The following SLC22A2 variants were observed in gnomAD, a reference collection of about 807,000 sequenced individuals.
The protein encoded by SLC22A2 is solute carrier family 22 member 2, also known as organic cation transporter 2.
SLC22A2 carries 46 observed loss-of-function variants against 60.5 expected under a neutral mutation model. The observed-to-expected ratio is 0.76, with a 90% CI of 0.60 to 0.97. The LOEUF (loss-of-function observed/expected upper bound fraction) is 0.97. Among genes scored for constraint, SLC22A2 ranks in the 50% least tolerant of loss-of-function variants. SLC22A2 has a pLI of 0.00. For missense variants in SLC22A2, 701 were observed against 706.6 expected, an observed-to-expected ratio of 0.99 and a Z score of 0.09; for synonymous variants, 303 against 267.0, an observed-to-expected ratio of 1.13 and a Z score of -1.31.
chr6:160,235,797 GT>G (rs1782901248), intron 9 of SLC22A2, among the ~76,000 whole-genome samples: 1 of 151,898 alleles, frequency 6.6e-6, no homozygotes, highest in African/African-American at 2.4e-5. Flanking sequence ...GTCTATGAAG[GT>G]TTAACATTAA....
chr6:160,223,166 T>A (rs543377129), intron 10 of SLC22A2, among the ~76,000 whole-genome samples: 93 of 152,316 alleles, frequency 6.1e-4, no homozygotes, highest in African/African-American at 2.2e-3. Context: ...TAAATAAAAA[T>A]ATCTAAACAT....
At chr6:160,227,686 C>T (rs1782745816) in intron 9 of SLC22A2, among the ~76,000 whole-genome samples, 1 of 152,170 alleles carries the variant, frequency 6.6e-6, no homozygotes, top group Non-Finnish European at 1.5e-5. Context: ...TGAAACACAA[C>T]AACTTTCTCT....
At chr6:160,249,169 G>C in intron 4 of SLC22A2, 47 bp downstream of exon 4, 1 of 1,361,850 alleles carries the variant, frequency 7.3e-7, no homozygotes, top group Non-Finnish European at 1.0e-6. Context: ...CTTCTTAGCA[G>C]AATAAAATAC....
chr6:160,257,666 G>A (rs1192984808), intron 1 of SLC22A2: 2 of 152,038 alleles, frequency 1.3e-5, no homozygotes, highest in African/African-American at 4.8e-5. Flanking sequence ...ATTAAACTAG[G>A]CAACTGGCTC....
chr6:160,250,547 C>T lies in SLC22A2; in HGVS notation c.673+1G>A. On this transcript the variant is annotated splice_donor_variant, in intron 3 of 10. Transcript: ENST00000366953. LOFTEE classifies it high-confidence loss of function. Reference sequence around the variant, plus strand: ...ACAGTTGCAAGCACAAACATTCTTACTCAGGATGTAGCCTATTAACCAGCC... The same window carrying T: ...ACAGTTGCAAGCACAAACATTCTTATTCAGGATGTAGCCTATTAACCAGCC... 1 of 1,613,960 alleles carries T rather than the reference C, an allele frequency of 6.2e-7. No individual in the cohort carries two copies.
intron 7 of SLC22A2, among the ~76,000 whole-genome samples, chr6:160,243,341 G>A (rs1783041384): frequency 6.6e-6 from 1 of 151,834 alleles, no homozygotes; most frequent in Non-Finnish European, 1.5e-5. Flanking sequence ...CTGTAGCATG[G>A]GGCTGTAAAG....
intron 8 of SLC22A2, 83 bp from the exon 9 acceptor site, chr6:160,241,669 C>A (rs1390722796): frequency 2.4e-6 from 2 of 846,434 alleles, no homozygotes; most frequent in African/African-American, 1.7e-5. Flanking sequence ...TAAACACTTC[C>A]TCAAATAATT....
chr6:160,254,846 C>T (rs545396179), intron 2 of SLC22A2, among the ~76,000 whole-genome samples: 1 of 152,204 alleles, frequency 6.6e-6, no homozygotes, highest in Non-Finnish European at 1.5e-5. Flanking sequence ...CACAGGAATG[C>T]ACTGTCAGTA....
chr6:160,228,256 C>G (rs1240647871), intron 9 of SLC22A2, among the ~76,000 whole-genome samples: 1 of 152,208 alleles, frequency 6.6e-6, no homozygotes, highest in East Asian at 1.9e-4. Flanking sequence ...GAGACCTCCC[C>G]TCCGCCAGCG....
intron 2 of SLC22A2, among the ~76,000 whole-genome samples, chr6:160,251,470 A>G (rs773447900): frequency 6.6e-5 from 10 of 152,108 alleles, no homozygotes; most frequent in Non-Finnish European, 1.2e-4. Flanking sequence ...GGATTAAGTG[A>G]GATATTAGAG....
Position 160,258,657 on chromosome 6 carries a change from G to A in SLC22A2, c.101C>T (p.Ala34Val). The change falls in exon 1 of 11, where the codon GCG becomes GTG. Residue 34 changes from alanine (A) to valine (V), a missense_variant. Physicochemically the swap from Ala to Val is moderately conservative, Grantham distance 64. Coordinates refer to ENST00000366953, the MANE Select transcript of SLC22A2 (RefSeq NM_003058.4). The stretch of plus-strand genomic sequence containing the variant: ...GAAGACGATGCCCACGTAGATGGGC[G>A]CGAAGGTAGCCGAGAGCAGAGCCAA... ...FLLALLSATF[A>V]PIYVGIVFLG... 4 of 1,613,656 alleles carry A rather than the reference G, an allele frequency of 2.5e-6. No individual in the cohort carries two copies. Among genetic ancestry groups the A allele is most frequent in the African/African-American group, 1.3e-5 (1 of 75,052 alleles).
intron 10 of SLC22A2, among the ~76,000 whole-genome samples, chr6:160,219,113 A>AGAGCAGCCGCAGCAACAGCAACAGTAG (rs1562428709): frequency 4.9e-3 from 1 of 206 alleles, no homozygotes; most frequent in African/African-American, 0.014. Context: ...AGAAGCAATA[A>AGAGCAGCCGCAGCAACAGCAACAGTAG]CAGCAGCAGC....
At chr6:160,245,588 T>C in intron 5 of SLC22A2, 43 bp from the exon 6 acceptor site, 1 of 1,271,754 alleles carries the variant, frequency 7.9e-7, no homozygotes, top group South Asian at 1.3e-5. Flanking sequence ...TATTTAATGC[T>C]AGTGTCCCTG....
intron 9 of SLC22A2, among the ~76,000 whole-genome samples, chr6:160,233,356 C>G (rs983777029): frequency 6.6e-6 from 1 of 151,792 alleles, no homozygotes; most frequent in African/African-American, 2.4e-5. Flanking sequence ...AGTCAAATCA[C>G]CCAAGCAGTT....
At chr6:160,226,546 A>G (rs1460916904) in intron 9 of SLC22A2, among the ~76,000 whole-genome samples, 1 of 152,086 alleles carries the variant, frequency 6.6e-6, no homozygotes, top group East Asian at 1.9e-4. Flanking sequence ...CAATCCCATT[A>G]TTTGTGTACC....
At chr6:160,246,533 G>A (rs972283349) in intron 5 of SLC22A2, among the ~76,000 whole-genome samples, 13 of 152,100 alleles carry the variant, frequency 8.5e-5, no homozygotes, top group Middle Eastern at 3.2e-3. Context: ...GATCACCTGA[G>A]GTCAGGAGTT....
intron 9 of SLC22A2, among the ~76,000 whole-genome samples, chr6:160,232,780 A>T (rs527579158): frequency 1.3e-5 from 2 of 151,862 alleles, no homozygotes; most frequent in Non-Finnish European, 2.9e-5. Flanking sequence ...AGCAGCTAGC[A>T]TTCCAACTTC....
Position 160,217,327 on chromosome 6 carries a change from T to C in SLC22A2, c.*105A>G. ...GACCTAGGTTGATAGGGCTCAGGGG[T>C]AAGTTTGGTTGAGTTGTATGGGCTT... On this transcript the variant is annotated 3_prime_UTR_variant, in exon 11 of 11. Transcript: ENST00000366953. 3.0e-6 allele frequency: 2 copies of C among 671,952 alleles called. No homozygotes were observed. The highest frequency in any genetic ancestry group is 5.2e-6 in the Non-Finnish European group (2 of 387,026). The allele number at this position is 671,952 out of a possible 1,614,324, so 41.6% of individuals were successfully genotyped here.
intron 9 of SLC22A2, among the ~76,000 whole-genome samples, chr6:160,235,738 G>C (rs907537561): frequency 1.3e-5 from 2 of 151,740 alleles, no homozygotes; most frequent in Non-Finnish European, 2.9e-5. Context: ...GTTATAAAAG[G>C]TTTATGAGAA....
Sources: gnomAD v4.1 joint callset for allele counts (sites outside exome capture counted in the v4.1 genomes callset) on GRCh38, gnomAD v4.1.1 for gene constraint, MANE v1.5 for transcripts, NCBI Gene and HGNC (gene_info 2026-07-23, HGNC 2026-07-21) for gene names.